SHQ1: variants seen among roughly 807,000 people sequenced by gnomAD.
SHQ1 encodes the protein protein SHQ1 homolog.
In SHQ1, 49 loss-of-function variants were observed where a neutral mutation model predicts 53.8. The observed-to-expected ratio is 0.91, with a 90% CI of 0.72 to 1.16. SHQ1 has a LOEUF of 1.16. Among genes scored for constraint, SHQ1 ranks in the 50% most tolerant of loss-of-function variants. The pLI is 0.00. For missense variants in SHQ1, 738 were observed against 683.1 expected, an observed-to-expected ratio of 1.08 and a Z score of -0.90; for synonymous variants, 243 against 251.0, an observed-to-expected ratio of 0.97 and a Z score of 0.30.
intron 9 of SHQ1, among the ~76,000 whole-genome samples, chr3:72,807,363 G>A (rs1706985337): frequency 6.6e-6 from 1 of 152,210 alleles, no homozygotes; most frequent in Non-Finnish European, 1.5e-5. Flanking sequence ...CAGCTCAGCA[G>A]CCTCACATGG....
chr3:72,736,608 T>G, the SHQ1 span, among the ~76,000 whole-genome samples: 1 of 148,768 alleles, frequency 6.7e-6, no homozygotes, highest in Admixed American at 6.7e-5. Context: ...CTGGCCAACA[T>G]GGTGAAACCC....
chr3:72,832,066 G>C (rs1468545595), intron 5 of SHQ1, among the ~76,000 whole-genome samples: 11 of 152,116 alleles, frequency 7.2e-5, no homozygotes, highest in Admixed American at 6.5e-4. Context: ...TTACTTAAAA[G>C]AAGTGTAATA....
chr3:72,847,966 T>C (rs1376315645), intron 1 of SHQ1, among the ~76,000 whole-genome samples: 1 of 152,122 alleles, frequency 6.6e-6, no homozygotes, highest in Non-Finnish European at 1.5e-5. Context: ...TTTCAAGTGA[T>C]TCCGCAATCC....
intron 6 of SHQ1, among the ~76,000 whole-genome samples, chr3:72,821,988 C>T (rs534593011): frequency 1.3e-5 from 2 of 152,280 alleles, no homozygotes; most frequent in African/African-American, 4.8e-5. Flanking sequence ...CCATCCAACT[C>T]CTGGCTCTCC....
chr3:72,804,940 C>T (rs896484906), intron 9 of SHQ1, among the ~76,000 whole-genome samples: 2 of 152,132 alleles, frequency 1.3e-5, no homozygotes, highest in African/African-American at 4.8e-5. Context: ...CTGAGAAATG[C>T]GTCATTAGGT....
At chr3:72,807,816 GAGGTTAGT>G (rs1320846491) in intron 9 of SHQ1, among the ~76,000 whole-genome samples, 20 of 152,128 alleles carry the variant, frequency 1.3e-4, no homozygotes, top group Admixed American at 1.3e-3. Context: ...ATCTATGGAA[GAGGTTAGT>G]AAAGCAGTAA....
At chr3:72,740,654 G>C in the SHQ1 span, among the ~76,000 whole-genome samples, 49,314 of 152,030 alleles carry the variant, frequency 0.32, 9,464 homozygotes, top group African/African-American at 0.53. Context: ...ATGCTCAGGC[G>C]TTATGGAGCC....
intron 10 of SHQ1, among the ~76,000 whole-genome samples, chr3:72,788,689 G>A (rs1706335175): frequency 6.6e-6 from 1 of 152,214 alleles, no homozygotes; most frequent in African/African-American, 2.4e-5. Flanking sequence ...CTGTGTCTGT[G>A]TAGAAAGAAG....
At chr3:72,824,574 C>T in intron 5 of SHQ1, 23 bp from the exon 6 acceptor site, 6 of 1,600,658 alleles carry the variant, frequency 3.7e-6, no homozygotes, top group Middle Eastern at 1.7e-4. Context: ...ATTGAAAGAA[C>T]TTACTATACA....
intron 6 of SHQ1, among the ~76,000 whole-genome samples, chr3:72,819,338 G>A (rs1322077734): frequency 6.6e-6 from 1 of 152,024 alleles, no homozygotes; most frequent in African/African-American, 2.4e-5. Flanking sequence ...GTATATTATA[G>A]ATATAAACCC....
chr3:72,775,010 GA>G (rs1180419456), intron 10 of SHQ1, among the ~76,000 whole-genome samples: 1 of 152,116 alleles, frequency 6.6e-6, no homozygotes, highest in African/African-American at 2.4e-5. Context: ...AGCTACTCGG[GA>G]AGCTGAGACA....
At chr3:72,745,147 GTT>G (rs77261439), downstream of SHQ1, among the ~76,000 whole-genome samples, 68 of 147,524 alleles carry the variant, frequency 4.6e-4, 2 homozygotes, top group South Asian at 0.013. Context: ...CAGGAGTCTG[GTT>G]TTTTTTTTTA....
At chr3:72,740,027 C>G in the SHQ1 span, among the ~76,000 whole-genome samples, 7 of 152,320 alleles carry the variant, frequency 4.6e-5, no homozygotes, top group East Asian at 1.2e-3. Context: ...CTTCACCACT[C>G]CTCTTCTGAA....
the SHQ1 span, among the ~76,000 whole-genome samples, chr3:72,737,067 C>T: frequency 3.3e-5 from 5 of 151,862 alleles, no homozygotes; most frequent in Admixed American, 6.6e-5. Flanking sequence ...CTCAGGAGTT[C>T]GAGACCAGCT....
At chr3:72,845,321 T>C (rs183757810) in intron 1 of SHQ1, among the ~76,000 whole-genome samples, 7 of 152,008 alleles carry the variant, frequency 4.6e-5, no homozygotes, top group Admixed American at 4.6e-4. Flanking sequence ...CTATATCTAC[T>C]AAAAATACAA....
chr3:72,793,171 T>A, intron 9 of SHQ1, 135 bp from the exon 10 acceptor site: 1 of 706,792 alleles, frequency 1.4e-6, no homozygotes, highest in Non-Finnish European at 2.3e-6. Flanking sequence ...AATTTATGAG[T>A]CCTATTAGGT....
intron 10 of SHQ1, among the ~76,000 whole-genome samples, chr3:72,763,022 TACACACACACAC>T (rs35278618): frequency 3.4e-4 from 45 of 132,648 alleles, no homozygotes; most frequent in Non-Finnish European, 4.6e-4. Flanking sequence ...CATCTTGTTT[TACACACACACAC>T]ACACACACAC....
intron 10 of SHQ1, among the ~76,000 whole-genome samples, chr3:72,789,658 G>A (rs1249210389): frequency 6.6e-6 from 1 of 152,218 alleles, no homozygotes; most frequent in Non-Finnish European, 1.5e-5. Flanking sequence ...TTCAATTTGA[G>A]TAAAACTGAT....
At chr3:72,840,463 G>C (rs1365715971) in intron 4 of SHQ1, among the ~76,000 whole-genome samples, 1 of 150,720 alleles carries the variant, frequency 6.6e-6, no homozygotes, top group Non-Finnish European at 1.5e-5. Flanking sequence ...GGCTGAGGCA[G>C]AAGAATTGCT....
Sources: gnomAD v4.1 joint callset for allele counts (sites outside exome capture counted in the v4.1 genomes callset) on GRCh38, gnomAD v4.1.1 for gene constraint, MANE v1.5 for transcripts, NCBI Gene and HGNC (gene_info 2026-07-23, HGNC 2026-07-21) for gene names.